ATP10B: variants seen among roughly 807,000 people sequenced by gnomAD.
ATP10B encodes ATPase phospholipid transporting 10B (putative).
In ATP10B, 122 loss-of-function variants were observed where a neutral mutation model predicts 141.2. The observed-to-expected ratio is 0.86, with a 90% CI of 0.75 to 1.00. The LOEUF (loss-of-function observed/expected upper bound fraction) is 1.00. Ranked by LOEUF, ATP10B falls within the 50% of genes least tolerant of loss-of-function variation. The pLI, the probability that ATP10B is intolerant of heterozygous loss-of-function variation, is 0.00. For synonymous variants in ATP10B, 685 were observed against 692.0 expected, an observed-to-expected ratio of 0.99 and a Z score of 0.16; for missense variants, 1,876 against 1,825.3, an observed-to-expected ratio of 1.03 and a Z score of -0.51.
chr5:160,870,515 A>T, the ATP10B span, among the ~76,000 whole-genome samples: 1 of 152,082 alleles, frequency 6.6e-6, no homozygotes, highest in Admixed American at 6.6e-5. Context: ...AACCTCCAAA[A>T]CCAAAAAACA....
At chr5:160,590,037 G>A (rs531703676) in intron 23 of ATP10B, among the ~76,000 whole-genome samples, 15 of 152,260 alleles carry the variant, frequency 9.9e-5, no homozygotes, top group East Asian at 1.9e-4. Context: ...TAGGCAGTGC[G>A]GATGTGGTAC....
intron 22 of ATP10B, among the ~76,000 whole-genome samples, chr5:160,594,063 A>T (rs1205940327): frequency 6.6e-6 from 1 of 152,200 alleles, no homozygotes; most frequent in East Asian, 1.9e-4. Context: ...CCTCGAGAAG[A>T]GCAACTCCAA....
the ATP10B span, among the ~76,000 whole-genome samples, chr5:160,860,703 C>T: frequency 4.6e-5 from 7 of 151,856 alleles, no homozygotes; most frequent in East Asian, 1.4e-3. Context: ...TTCAGTGCTC[C>T]AAAACCAGAT....
At chr5:160,926,896 G>A in the ATP10B span, among the ~76,000 whole-genome samples, 10 of 152,168 alleles carry the variant, frequency 6.6e-5, 1 homozygote, top group African/African-American at 1.4e-4. Flanking sequence ...CTGTGTATTC[G>A]CTGCTCCCCA....
At chr5:160,803,456 T>G (rs1202867824) in intron 1 of ATP10B, among the ~76,000 whole-genome samples, 1 of 152,098 alleles carries the variant, frequency 6.6e-6, no homozygotes, top group African/African-American at 2.4e-5. Flanking sequence ...GGAGGGCAGA[T>G]CACAAGGTCA....
chr5:160,781,309 A>C (rs1770699149), intron 2 of ATP10B, among the ~76,000 whole-genome samples: 1 of 152,140 alleles, frequency 6.6e-6, no homozygotes, highest in Non-Finnish European at 1.5e-5. Flanking sequence ...TGCAGATCTC[A>C]CTTTGAATTG....
At chr5:160,747,026 A>G (rs966639661) in intron 2 of ATP10B, among the ~76,000 whole-genome samples, 3 of 152,184 alleles carry the variant, frequency 2.0e-5, no homozygotes, top group Non-Finnish European at 2.9e-5. Flanking sequence ...TAGGTTTTAA[A>G]CAAAACTGAG....
chr5:160,813,203 G>A (rs1007792991), intron 1 of ATP10B, among the ~76,000 whole-genome samples: 4 of 152,250 alleles, frequency 2.6e-5, no homozygotes, highest in African/African-American at 9.6e-5. Context: ...CACCCGGGAA[G>A]CACAAGGGGT....
At chr5:160,898,658 G>A in the ATP10B span, among the ~76,000 whole-genome samples, 2 of 152,062 alleles carry the variant, frequency 1.3e-5, no homozygotes, top group Admixed American at 6.6e-5. Context: ...TATACCCAAA[G>A]GATTATAAAT....
chr5:160,873,594 G>T, the ATP10B span, among the ~76,000 whole-genome samples: 32 of 152,320 alleles, frequency 2.1e-4, no homozygotes, highest in African/African-American at 7.5e-4. Flanking sequence ...ACAGAAGACG[G>T]GTGATTTCTG....
At chr5:160,798,132 C>A (rs998093784) in intron 1 of ATP10B, among the ~76,000 whole-genome samples, 1 of 151,810 alleles carries the variant, frequency 6.6e-6, no homozygotes, top group Admixed American at 6.6e-5. Context: ...GGTGAGGGTG[C>A]ATTTCTAGAC....
At chr5:160,590,953 T>C in intron 23 of ATP10B, 106 bp downstream of exon 23, 2 of 911,398 alleles carry the variant, frequency 2.2e-6, no homozygotes, top group Non-Finnish European at 3.4e-6. Flanking sequence ...TGTTTGAGCC[T>C]CTGCTCTAAA....
At chr5:160,760,075 G>A (rs1439797456) in intron 2 of ATP10B, among the ~76,000 whole-genome samples, 1 of 152,168 alleles carries the variant, frequency 6.6e-6, no homozygotes, top group East Asian at 1.9e-4. Flanking sequence ...AAAGTACCAA[G>A]AGTTTTGGAA....
the ATP10B span, among the ~76,000 whole-genome samples, chr5:160,874,597 G>C: frequency 2.0e-5 from 3 of 152,064 alleles, no homozygotes; most frequent in Admixed American, 6.5e-5. Context: ...AGCTACAGGA[G>C]GACATTCAAA....
the ATP10B span, among the ~76,000 whole-genome samples, chr5:160,895,780 T>C: frequency 1.3e-5 from 2 of 152,280 alleles, no homozygotes; most frequent in South Asian, 4.1e-4. Context: ...TATTGTAAAA[T>C]TGACCACATA....
At chr5:160,837,094 A>G (rs1248920624) in intron 1 of ATP10B, among the ~76,000 whole-genome samples, 1 of 152,146 alleles carries the variant, frequency 6.6e-6, no homozygotes, top group Non-Finnish European at 1.5e-5. Flanking sequence ...CCACCTCATC[A>G]GTCAGTCCAT....
the ATP10B span, among the ~76,000 whole-genome samples, chr5:160,891,204 C>T: frequency 7.9e-5 from 12 of 152,174 alleles, no homozygotes; most frequent in Middle Eastern, 3.2e-3. Context: ...TCTTTGCCAA[C>T]ATTCTGTGTT....
chr5:160,879,855 A>G, the ATP10B span, among the ~76,000 whole-genome samples: 1 of 152,082 alleles, frequency 6.6e-6, no homozygotes, highest in African/African-American at 2.4e-5. Flanking sequence ...ACAAACAAAC[A>G]AAGAATAGAC....
At chr5:160,872,670 A>G in the ATP10B span, among the ~76,000 whole-genome samples, 1 of 152,310 alleles carries the variant, frequency 6.6e-6, no homozygotes, top group African/African-American at 2.4e-5. Context: ...GCTTTGTCGA[A>G]GATCAGTTGG....
Sources: gnomAD v4.1 joint callset for allele counts (sites outside exome capture counted in the v4.1 genomes callset) on GRCh38, gnomAD v4.1.1 for gene constraint, MANE v1.5 for transcripts, NCBI Gene and HGNC (gene_info 2026-07-23, HGNC 2026-07-21) for gene names.